CDH18: variants seen among roughly 807,000 people sequenced by gnomAD.
The protein encoded by CDH18 is cadherin 18, also known as cadherin-18.
CDH18 carries 31 observed loss-of-function variants against 67.9 expected under a neutral mutation model. That is an observed-to-expected ratio of 0.46 (90% CI 0.34 to 0.62). The LOEUF (loss-of-function observed/expected upper bound fraction) is 0.62. Ranked by LOEUF, CDH18 falls within the 20% of genes least tolerant of loss-of-function variation. The pLI is 0.01. For missense variants in CDH18, 890 were observed against 975.5 expected, an observed-to-expected ratio of 0.91 and a Z score of 1.17; for synonymous variants, 362 against 347.2, an observed-to-expected ratio of 1.04 and a Z score of -0.48.
Position 20,078,480 on chromosome 5 carries a change from A to G in CDH18, c.-517-86466T>C, listed in dbSNP as rs536174228. 2.0e-4 allele frequency among the ~76,000 whole-genome samples: 31 copies of G among 152,198 alleles called. No homozygotes were observed. In the East Asian group the frequency reaches 5.8e-3, roughly 29 times the overall value. ...TCTGTCTCAAAACAAAAAACAAAAA[A>G]CAAAAAACAAAAACAGATGTTCACA... On this transcript the variant is annotated intron_variant, in intron 2 of 14. Transcript: ENST00000507958.
intron 2 of CDH18, among the ~76,000 whole-genome samples, chr5:19,844,612 A>T (rs1347245733): frequency 3.3e-5 from 5 of 152,092 alleles, no homozygotes; most frequent in Non-Finnish European, 4.4e-5. Flanking sequence ...ATATCCTTTC[A>T]TCAGAAATTT....
At chr5:19,858,182 A>G (rs895129837) in intron 2 of CDH18, among the ~76,000 whole-genome samples, 1 of 141,098 alleles carries the variant, frequency 7.1e-6, no homozygotes, top group African/African-American at 2.4e-5. Flanking sequence ...ACAACTGGAA[A>G]TGGGGGCTTC....
At chr5:19,606,175 A>G (rs1303620747) in intron 6 of CDH18, among the ~76,000 whole-genome samples, 2 of 151,646 alleles carry the variant, frequency 1.3e-5, no homozygotes, top group Non-Finnish European at 3.0e-5. Flanking sequence ...ACAGAATCCA[A>G]CTGATTTAAG....
intron 9 of CDH18, among the ~76,000 whole-genome samples, chr5:19,534,391 T>C (rs1009626363): frequency 1.3e-5 from 2 of 152,156 alleles, no homozygotes; most frequent in African/African-American, 4.8e-5. Flanking sequence ...AACCCAACTT[T>C]AGCGTCACTC....
chr5:19,704,593 T>C (rs1043509108), intron 5 of CDH18, among the ~76,000 whole-genome samples: 1 of 151,940 alleles, frequency 6.6e-6, no homozygotes, highest in African/African-American at 2.4e-5. Context: ...CCCGCCAAAG[T>C]TTAGGATATT....
At chr5:20,392,944 A>C (rs1744992045) in intron 1 of CDH18, among the ~76,000 whole-genome samples, 1 of 151,860 alleles carries the variant, frequency 6.6e-6, no homozygotes, top group African/African-American at 2.4e-5. Context: ...ATTGGATATG[A>C]GTATATGTTT....
intron 2 of CDH18, among the ~76,000 whole-genome samples, chr5:19,846,761 G>T (rs1783010806): frequency 6.6e-6 from 1 of 152,048 alleles, no homozygotes; most frequent in Non-Finnish European, 1.5e-5. Flanking sequence ...TGTTTAGCAT[G>T]TTTTCACTTC....
rs187519671 is a variant in CDH18 at position 19,696,439 on chromosome 5, G to A, written c.643+24908C>T. 1.3e-3 allele frequency among the ~76,000 whole-genome samples: 192 copies of A among 152,018 alleles called. 1 individual carries two copies. The highest frequency in any genetic ancestry group is 4.5e-3 in the African/African-American group (186 of 41,470). On this transcript the variant is annotated intron_variant, in intron 5 of 12. Coordinates refer to ENST00000382275, the MANE Select transcript of CDH18 (RefSeq NM_004934.5). ...TAGTCCCAGCTACTCAGGAGGCTGAGGCAGGAGAATGGCGTGGCCCTGCGA... is the reference window on the plus strand; with the variant it reads ...TAGTCCCAGCTACTCAGGAGGCTGAAGCAGGAGAATGGCGTGGCCCTGCGA...
intron 1 of CDH18, among the ~76,000 whole-genome samples, chr5:20,548,825 C>G (rs1449777006): frequency 2.0e-5 from 3 of 152,112 alleles, no homozygotes; most frequent in Non-Finnish European, 4.4e-5. Flanking sequence ...AAGGTACACA[C>G]AGGTAGCTAT....
intron 2 of CDH18, among the ~76,000 whole-genome samples, chr5:20,166,035 C>T (rs1736253279): frequency 6.6e-6 from 1 of 152,180 alleles, no homozygotes; most frequent in Admixed American, 6.5e-5. Flanking sequence ...CTCACCACCA[C>T]ATTGCTTAGG....
rs1746759632 is a variant in CDH18, at chr5:19,520,703, G to C, written c.1466C>G (p.Ala489Gly). 6.2e-7 allele frequency: 1 copy of C among 1,612,928 alleles called. No individual in the cohort carries two copies. The highest frequency in any genetic ancestry group is 8.5e-7 in the Non-Finnish European group (1 of 1,179,404). The change falls in exon 10 of 13, where the codon GCC becomes GGC. Residue 489 changes from alanine to glycine, a missense_variant. By Grantham distance (60) the Ala-to-Gly change is moderately conservative. This residue lies in a region of CDH18 where 656 missense variants were observed against 668.1 expected (regional missense o/e 0.98). Coordinates refer to ENST00000382275, the MANE Select transcript of CDH18 (RefSeq NM_004934.5). ...LDVNDNPPEL[A>G]REYDIIVCEN... ...ACATACAATAATATCATATTCCCTGGCAAGTTCGGGTGGATTGTCATTGAC... is the reference window on the plus strand; with the variant it reads ...ACATACAATAATATCATATTCCCTGCCAAGTTCGGGTGGATTGTCATTGAC...
chr5:19,871,299 C>T (rs1233473997), intron 2 of CDH18, among the ~76,000 whole-genome samples: 1 of 152,174 alleles, frequency 6.6e-6, no homozygotes, highest in Non-Finnish European at 1.5e-5. Context: ...AAATAAAAAG[C>T]TGAGCATGTT....
chr5:20,034,345 T>G (rs1222526792), intron 2 of CDH18, among the ~76,000 whole-genome samples: 2 of 152,062 alleles, frequency 1.3e-5, no homozygotes, highest in African/African-American at 4.8e-5. Context: ...TAGCCTGGCT[T>G]GTTTTTATGC....
intron 1 of CDH18, chr5:20,575,393 C>T (rs1759061948): frequency 6.6e-6 from 1 of 152,026 alleles, no homozygotes; most frequent in Non-Finnish European, 1.5e-5. Flanking sequence ...TAAAAACATG[C>T]AAAGCTATGA....
chr5:20,304,183 G>T, intron 1 of CDH18: 1 of 1,521,802 alleles, frequency 6.6e-7, no homozygotes, highest in Middle Eastern at 1.7e-4. Context: ...CAATAAAAAC[G>T]TTATTTTTCC....
At chr5:19,828,285 T>A (rs1304751942) in intron 3 of CDH18, among the ~76,000 whole-genome samples, 6 of 152,008 alleles carry the variant, frequency 3.9e-5, no homozygotes, top group Admixed American at 3.9e-4. Flanking sequence ...ACTGAAAAGA[T>A]GTATAAGGAA....
intron 1 of CDH18, among the ~76,000 whole-genome samples, chr5:20,516,040 A>T (rs1295165657): frequency 6.6e-6 from 1 of 151,976 alleles, no homozygotes; most frequent in Non-Finnish European, 1.5e-5. Flanking sequence ...GCTCAATAGA[A>T]CTCAAAATTA....
At chr5:20,489,208 T>C (rs1315412158) in intron 1 of CDH18, among the ~76,000 whole-genome samples, 2 of 152,080 alleles carry the variant, frequency 1.3e-5, no homozygotes, top group East Asian at 3.9e-4. Context: ...GAGATTTAGA[T>C]ATGACAAAGA....
chr5:20,394,326 A>G (rs976081290), intron 1 of CDH18, among the ~76,000 whole-genome samples: 1 of 152,148 alleles, frequency 6.6e-6, no homozygotes, highest in Non-Finnish European at 1.5e-5. Context: ...ACACTATTCC[A>G]TAAATGATTC....
Sources: allele counts gnomAD v4.1 joint callset (sites outside exome capture counted in the v4.1 genomes callset), GRCh38; gene constraint gnomAD v4.1.1; regional missense constraint gnomAD v4.1.1; transcripts MANE v1.5; gene names NCBI Gene and HGNC (gene_info 2026-07-23, HGNC 2026-07-21).